Variants in PTDSS1 observed in about 807,000 individuals in gnomAD.
PTDSS1 encodes the protein phosphatidylserine synthase 1, also known as PSS-1.
In PTDSS1, 45 loss-of-function variants were observed where a neutral mutation model predicts 70.5. That is an observed-to-expected ratio of 0.64 (90% CI 0.50 to 0.82). The LOEUF (loss-of-function observed/expected upper bound fraction) is 0.82, where lower values mean the gene tolerates loss of function less well. PTDSS1 is among the 40% of genes least tolerant of loss of function. The pLI, the probability that PTDSS1 is intolerant of heterozygous loss-of-function variation, is 0.00. For missense variants in PTDSS1, 417 were observed against 586.1 expected, an observed-to-expected ratio of 0.71 and a Z score of 2.98; for synonymous variants, 188 against 203.8, an observed-to-expected ratio of 0.92 and a Z score of 0.66.
intron 10 of PTDSS1, among the ~76,000 whole-genome samples, chr8:96,321,403 A>G (rs148947906): frequency 6.6e-6 from 1 of 152,334 alleles, no homozygotes; most frequent in Admixed American, 6.5e-5. Context: ...GTATTTGTTT[A>G]ACAATATATT....
intron 9 of PTDSS1, among the ~76,000 whole-genome samples, chr8:96,315,460 C>T (rs1345784955): frequency 6.6e-6 from 1 of 152,106 alleles, no homozygotes; most frequent in African/African-American, 2.4e-5. Context: ...AAGTTTGGCT[C>T]ATACACCCAG....
At position 96,261,928 on chromosome 8, in the gene PTDSS1, G is replaced by A. The variant is rs1810406317; in HGVS notation, c.-113G>A. On this transcript the variant is annotated 5_prime_UTR_variant, in exon 1 of 13. Transcript: ENST00000517309. ...CCTCTGCTCCCAGCCTTTGCTGGGC[G>A]CCAGACCCGGCTTTGCCGTCCGGCT... 7 of 1,158,600 alleles carry A rather than the reference G, an allele frequency of 6.0e-6. No homozygotes were observed. The highest frequency in any genetic ancestry group is 1.6e-5 in the African/African-American group (1 of 63,778). The allele number at this position is 1,158,600 out of a possible 1,614,324, so 71.8% of individuals were successfully genotyped here.
chr8:96,324,656 T>C (rs949595446), intron 10 of PTDSS1, among the ~76,000 whole-genome samples: 2 of 152,128 alleles, frequency 1.3e-5, no homozygotes, highest in Non-Finnish European at 2.9e-5. Context: ...ACAGCCTGAA[T>C]CCATTCATGA....
At chr8:96,326,544 T>TG (rs774272410) in intron 10 of PTDSS1, among the ~76,000 whole-genome samples, 12 of 152,128 alleles carry the variant, frequency 7.9e-5, no homozygotes, top group Non-Finnish European at 1.3e-4. Flanking sequence ...TGCAGGTGGC[T>TG]GGGGGGCAAA....
At chr8:96,325,575 A>G (rs1458483300) in intron 10 of PTDSS1, among the ~76,000 whole-genome samples, 2 of 152,078 alleles carry the variant, frequency 1.3e-5, no homozygotes, top group Non-Finnish European at 2.9e-5. Context: ...TAATTTGACA[A>G]TGCAGCTCAA....
At chr8:96,292,121 G>A (rs900859214) in intron 4 of PTDSS1, among the ~76,000 whole-genome samples, 1 of 151,808 alleles carries the variant, frequency 6.6e-6, no homozygotes, top group African/African-American at 2.4e-5. Context: ...CCAACATGGT[G>A]AAACCCTGTC....
At chr8:96,317,274 G>T (rs980219798) in intron 9 of PTDSS1, among the ~76,000 whole-genome samples, 18 of 151,686 alleles carry the variant, frequency 1.2e-4, no homozygotes, top group African/African-American at 3.6e-4. Flanking sequence ...CCTCAGTCTG[G>T]GACTCTCCAC....
Position 96,262,148 on chromosome 8 carries a change from C to T in PTDSS1, c.108C>T (p.Phe36=). 1.9e-6 allele frequency: 3 copies of T among 1,613,960 alleles called. No homozygotes were observed. Among genetic ancestry groups the T allele is most frequent in the Non-Finnish European group, 1.7e-6 (2 of 1,179,846 alleles). ...AAGTGGAGGACATCACCATTGACTT[C>T]TTCTACCGGCCGCATACCATCACCC... ...EQQVEDITID[F]FYRPHTITLL... is the part of the protein sequence containing the mutation. Residue 36 remains phenylalanine (F), a synonymous_variant, in exon 1 of 13, where the codon TTC becomes TTT. Coordinates refer to ENST00000517309, the MANE Select transcript of PTDSS1 (RefSeq NM_014754.3). The surrounding 1 kb of genome is among the most constrained non-coding windows in gnomAD (Gnocchi z 4.4).
intron 5 of PTDSS1, among the ~76,000 whole-genome samples, chr8:96,296,902 G>A (rs939178471): frequency 3.3e-5 from 5 of 152,150 alleles, no homozygotes; most frequent in African/African-American, 7.2e-5. Flanking sequence ...TGTCGGCCTC[G>A]CTTGCTTCCC....
chr8:96,308,895 T>TC (rs1431117530), intron 8 of PTDSS1, among the ~76,000 whole-genome samples: 1 of 152,236 alleles, frequency 6.6e-6, no homozygotes, highest in Non-Finnish European at 1.5e-5. Flanking sequence ...CTGTTTTTTT[T>TC]CTGAACTTGT....
Position 96,299,748 on chromosome 8 carries a change from A to G in PTDSS1, c.655A>G (p.Ile219Val), listed in dbSNP as rs1251782763. The G allele has an allele frequency of 1.2e-6, 2 of 1,614,018 alleles. No homozygotes were observed. The highest frequency in any genetic ancestry group is 1.7e-6 in the Non-Finnish European group (2 of 1,179,998). ...TGCCGAGTGCTGGTGGGATCAAGTC[A>G]TTCTGGACATCCTGTTGTGCAATGG... ...NFAECWWDQV[I>V]LDILLCNGGG... Residue 219 changes from isoleucine (I) to valine (V), a missense_variant, in exon 6 of 13, where the codon ATT becomes GTT. Physicochemically the swap from Ile to Val is conservative, Grantham distance 29. Transcript: ENST00000517309.
chr8:96,270,051 A>G (rs1449358870), intron 1 of PTDSS1, among the ~76,000 whole-genome samples: 1 of 152,176 alleles, frequency 6.6e-6, no homozygotes, highest in Non-Finnish European at 1.5e-5. Flanking sequence ...AAACTGGGGC[A>G]CTGAGAGGTT....
At chr8:96,266,298 T>C in intron 1 of PTDSS1, among the ~76,000 whole-genome samples, 1 of 152,268 alleles carries the variant, frequency 6.6e-6, no homozygotes, top group East Asian at 1.9e-4. Flanking sequence ...ACTTAAGTGA[T>C]CATCAATTTG....
intron 9 of PTDSS1, among the ~76,000 whole-genome samples, chr8:96,315,422 C>G (rs1041218444): frequency 3.3e-5 from 5 of 152,174 alleles, no homozygotes; most frequent in African/African-American, 1.2e-4. Flanking sequence ...GGCTTGTTGG[C>G]AAGCCAAAAT....
At chr8:96,307,707 A>G (rs994469271) in intron 8 of PTDSS1, among the ~76,000 whole-genome samples, 1 of 152,164 alleles carries the variant, frequency 6.6e-6, no homozygotes, top group Non-Finnish European at 1.5e-5. Flanking sequence ...TTAATTTGAG[A>G]CTTTACAATT....
intron 2 of PTDSS1, among the ~76,000 whole-genome samples, chr8:96,278,875 G>A (rs1810688724): frequency 6.6e-6 from 1 of 151,776 alleles, no homozygotes; most frequent in African/African-American, 2.4e-5. Context: ...ATGAATATAT[G>A]CTGAATTAAA....
chr8:96,319,878 A>G (rs1257633506), intron 9 of PTDSS1, among the ~76,000 whole-genome samples: 1 of 152,156 alleles, frequency 6.6e-6, no homozygotes, highest in Admixed American at 6.5e-5. Context: ...GTTTGACCAG[A>G]AAAATAAGCC....
chr8:96,309,622 G>A lies in PTDSS1; in HGVS notation c.1073G>A (p.Gly358Glu). 6.2e-7 allele frequency: 1 copy of A among 1,613,842 alleles called. No individual in the cohort carries two copies. Among genetic ancestry groups the A allele is most frequent in the Non-Finnish European group, 8.5e-7 (1 of 1,179,840 alleles). Residue 358 changes from glycine (G) to glutamate (E), a missense_variant and splice_region_variant, in exon 9 of 13, where the codon GGG (glycine) becomes GAG (glutamate). Physicochemically the swap from Gly to Glu is moderately conservative, Grantham distance 98. Around this residue, in one of 3 missense-constraint regions of PTDSS1, gnomAD observed 272 missense variants for 429.5 expected, o/e 0.63. Transcript: ENST00000517309. ...KRVGTQCWVF[G>E]VIGFLEAIVC... The stretch of plus-strand genomic sequence containing the variant: ...GTAGGAACACAATGCTGGGTGTTTG[G>A]GTGAGTAATCTGTTATTGTGGAGAT...
At chr8:96,312,909 A>G (rs1811232697) in intron 9 of PTDSS1, among the ~76,000 whole-genome samples, 1 of 152,182 alleles carries the variant, frequency 6.6e-6, no homozygotes, top group African/African-American at 2.4e-5. Flanking sequence ...AACAGAAAAC[A>G]CTGAAGTGTG....
Sources: gnomAD v4.1 joint callset for allele counts (sites outside exome capture counted in the v4.1 genomes callset) on GRCh38, gnomAD v4.1.1 for gene constraint, gnomAD v4.1.1 regional missense constraint, Gnocchi (gnomAD v3.1) non-coding constraint, MANE v1.5 for transcripts, NCBI Gene and HGNC (gene_info 2026-07-23, HGNC 2026-07-21) for gene names.